Variants in CERKL observed in about 807,000 individuals in gnomAD.
CERKL encodes the protein CERK like autophagy regulator, also known as ceramide kinase-like protein.
CERKL carries 61 observed loss-of-function variants against 63.4 expected under a neutral mutation model. The observed-to-expected ratio is 0.96, with a 90% CI of 0.78 to 1.19. CERKL has a LOEUF of 1.19. Among genes scored for constraint, CERKL ranks in the 50% most tolerant of loss-of-function variants. CERKL has a pLI of 0.00. For missense variants in CERKL, 675 were observed against 655.5 expected (o/e 1.03, Z -0.33); for synonymous variants, 250 against 230.5 (o/e 1.08, Z -0.77).
At chr2:181,653,722 G>A (rs528826867) in intron 1 of CERKL, among the ~76,000 whole-genome samples, 1 of 152,314 alleles carries the variant, frequency 6.6e-6, no homozygotes, top group Admixed American at 6.5e-5. Flanking sequence ...ATAAGGCAGA[G>A]ATTAGAATAG....
chr2:181,553,710 A>T lies in CERKL; in HGVS notation c.821-4002T>A. On this transcript the variant is annotated intron_variant, in intron 5 of 12. Coordinates refer to ENST00000410087, the MANE Select transcript of CERKL (RefSeq NM_201548.5). ...AGACATGACTAGAAGTCAGAAAATT[A>T]TTTTAGTCATTGACTACTCATTAAT... Among the ~76,000 whole-genome samples the T allele has an allele frequency of 1.3e-5, 2 of 152,202 alleles. 1 individual carries two copies. Among genetic ancestry groups the T allele is most frequent in the Middle Eastern group, 6.3e-3 (2 of 316 alleles).
At chr2:181,578,076 C>CA (rs1218854210) in intron 2 of CERKL, among the ~76,000 whole-genome samples, 1 of 152,158 alleles carries the variant, frequency 6.6e-6, no homozygotes, top group Non-Finnish European at 1.5e-5. Flanking sequence ...CTACAGAATT[C>CA]AAAATCACCT....
At chr2:181,596,417 T>C (rs565844425) in intron 2 of CERKL, among the ~76,000 whole-genome samples, 2 of 152,292 alleles carry the variant, frequency 1.3e-5, no homozygotes, top group African/African-American at 4.8e-5. Context: ...CAAGTATAAA[T>C]AGAATGAATC....
At chr2:181,653,716 G>A (rs549443531) in intron 1 of CERKL, among the ~76,000 whole-genome samples, 3 of 152,268 alleles carry the variant, frequency 2.0e-5, no homozygotes, top group Non-Finnish European at 2.9e-5. Context: ...ATATAGATAA[G>A]GCAGAGATTA....
chr2:181,553,411 T>A (rs1688071950), intron 5 of CERKL, among the ~76,000 whole-genome samples: 1 of 152,144 alleles, frequency 6.6e-6, no homozygotes, highest in South Asian at 2.1e-4. Flanking sequence ...TGAAACACAT[T>A]TCCTCCATTA....
chr2:181,577,220 T>C (rs111779814), intron 2 of CERKL, among the ~76,000 whole-genome samples: 4,058 of 152,260 alleles, frequency 0.027, 77 homozygotes, highest in Non-Finnish European at 0.042. Context: ...AACATTTTAA[T>C]AGGAGTAATG....
intron 1 of CERKL, among the ~76,000 whole-genome samples, chr2:181,606,918 C>T (rs1418771559): frequency 6.6e-6 from 1 of 152,084 alleles, no homozygotes. Context: ...ATTGATTAAC[C>T]CTCATCAGTA....
intron 1 of CERKL, among the ~76,000 whole-genome samples, chr2:181,624,716 G>T (rs1463945707): frequency 6.6e-6 from 1 of 150,794 alleles, no homozygotes. Flanking sequence ...AGGATTTGTT[G>T]ATAGGTTGGA....
At chr2:181,599,232 C>T (rs2105887799) in intron 2 of CERKL, among the ~76,000 whole-genome samples, 1 of 152,112 alleles carries the variant, frequency 6.6e-6, no homozygotes, top group Middle Eastern at 3.4e-3. Context: ...CTAAAGGGAA[C>T]ATCAAAATAC....
intron 4 of CERKL, chr2:181,565,531 T>C (rs778076351): frequency 4.1e-6 from 6 of 1,467,754 alleles, no homozygotes; most frequent in South Asian, 1.1e-5. Context: ...CATACCTAAA[T>C]TGTAGTCACT....
At chr2:181,577,636 G>A (rs949769942) in intron 2 of CERKL, among the ~76,000 whole-genome samples, 2 of 152,172 alleles carry the variant, frequency 1.3e-5, no homozygotes, top group African/African-American at 4.8e-5. Context: ...GTAAAATGGT[G>A]TCTGGAGTTG....
intron 1 of CERKL, among the ~76,000 whole-genome samples, chr2:181,654,741 A>G (rs1200745313): frequency 8.0e-6 from 1 of 124,306 alleles, no homozygotes; most frequent in Admixed American, 7.5e-5. Context: ...TAAATATATC[A>G]TCTCTTAATA....
At chr2:181,633,306 T>C (rs913870173) in intron 1 of CERKL, among the ~76,000 whole-genome samples, 2 of 152,136 alleles carry the variant, frequency 1.3e-5, no homozygotes, top group Non-Finnish European at 2.9e-5. Context: ...GATGACTGAA[T>C]GAGCACGGAG....
chr2:181,591,158 C>T (rs1375887298), intron 2 of CERKL, among the ~76,000 whole-genome samples: 1 of 152,062 alleles, frequency 6.6e-6, no homozygotes, highest in Non-Finnish European at 1.5e-5. Context: ...AAAGTACATA[C>T]TGAACGTTAC....
At chr2:181,587,972 TAG>T (rs1242319058) in intron 2 of CERKL, among the ~76,000 whole-genome samples, 4 of 152,290 alleles carry the variant, frequency 2.6e-5, no homozygotes, top group East Asian at 3.9e-4. Context: ...GAAGACCAAT[TAG>T]AGAGTTTAAA....
intron 1 of CERKL, among the ~76,000 whole-genome samples, chr2:181,655,507 A>G (rs1054834235): frequency 3.3e-5 from 5 of 152,256 alleles, no homozygotes; most frequent in South Asian, 2.1e-4. Context: ...GGTTCAAGAA[A>G]ATACTACACC....
At chr2:181,603,754 T>C (rs545266451) in intron 2 of CERKL, 83 bp downstream of exon 2, 4 of 1,372,728 alleles carry the variant, frequency 2.9e-6, no homozygotes, top group Admixed American at 3.4e-5. Flanking sequence ...TCACTAAAGT[T>C]GTTTTTACTC....
intron 2 of CERKL, among the ~76,000 whole-genome samples, chr2:181,603,359 G>A (rs2105893114): frequency 6.6e-6 from 1 of 152,198 alleles, no homozygotes; most frequent in East Asian, 1.9e-4. Flanking sequence ...TCAGATTATT[G>A]AAGCTTCTTC....
intron 3 of CERKL, among the ~76,000 whole-genome samples, chr2:181,572,605 C>A (rs1357951023): frequency 6.6e-6 from 1 of 152,010 alleles, no homozygotes; most frequent in Non-Finnish European, 1.5e-5. Flanking sequence ...TGAATTTTCT[C>A]TTTTACTTGT....
Sources: gnomAD v4.1 joint callset for allele counts (sites outside exome capture counted in the v4.1 genomes callset) on GRCh38, gnomAD v4.1.1 for gene constraint, MANE v1.5 for transcripts, NCBI Gene and HGNC (gene_info 2026-07-23, HGNC 2026-07-21) for gene names.